SORCS1: variants seen among roughly 807,000 people sequenced by gnomAD.
SORCS1 encodes VPS10 domain-containing receptor SorCS1.
SORCS1 carries 60 observed loss-of-function variants against 146.1 expected under a neutral mutation model. The observed-to-expected ratio is 0.41, with a 90% CI of 0.33 to 0.51. The LOEUF is 0.51. Ranked by LOEUF, SORCS1 falls within the 20% of genes least tolerant of loss-of-function variation. The pLI is 0.21. For missense variants in SORCS1, 1,352 were observed against 1,487.6 expected (o/e 0.91, Z 1.50); for synonymous variants, 637 against 584.0 (o/e 1.09, Z -1.31).
Position 107,070,756 on chromosome 10 carries a change from A to T in SORCS1, c.558+93213T>A, listed in dbSNP as rs562515400. 2.0e-5 allele frequency among the ~76,000 whole-genome samples: 3 copies of T among 152,328 alleles called. No homozygotes were observed. In the East Asian group the frequency reaches 5.8e-4, roughly 29 times the overall value. The stretch of plus-strand genomic sequence containing the variant: ...TCAAAAAGCAAAAATTTCAAAACAA[A>T]AATTGTCATTATCACTTACTTAATG... On this transcript the variant is annotated intron_variant, in intron 1 of 25. Coordinates refer to ENST00000263054, the MANE Select transcript of SORCS1 (RefSeq NM_052918.5).
chr10:106,674,472 G>A (rs1381565820), intron 14 of SORCS1, among the ~76,000 whole-genome samples: 3 of 151,028 alleles, frequency 2.0e-5, no homozygotes, highest in Non-Finnish European at 1.5e-5. Flanking sequence ...TCCATGTCCA[G>A]TTTTCCAAAG....
At chr10:106,866,032 CA>C (rs60499735) in intron 2 of SORCS1, among the ~76,000 whole-genome samples, 3,904 of 95,062 alleles carry the variant, frequency 0.041, 132 homozygotes, top group African/African-American at 0.11. Flanking sequence ...GATTCCGTCT[CA>C]AAAAAAAAAA....
chr10:106,647,007 G>GTATATATATATATATATATATATATATA (rs57891596), intron 18 of SORCS1, among the ~76,000 whole-genome samples: 1 of 134,230 alleles, frequency 7.4e-6, no homozygotes, highest in African/African-American at 2.7e-5. Flanking sequence ...GTTTGTATGT[G>GTATATATATATATATATATATATATATA]TATATATATA....
intron 1 of SORCS1, among the ~76,000 whole-genome samples, chr10:107,044,394 A>G (rs1309313152): frequency 1.3e-5 from 2 of 151,828 alleles, no homozygotes; most frequent in Non-Finnish European, 2.9e-5. Context: ...ACAAAAGAAA[A>G]CTCACAAATA....
chr10:106,926,452 A>G (rs553187537), intron 2 of SORCS1, among the ~76,000 whole-genome samples: 1 of 152,176 alleles, frequency 6.6e-6, no homozygotes, highest in Non-Finnish European at 1.5e-5. Context: ...ATTAAAAAAA[A>G]GTAACTGCCT....
rs1204531654 is a variant in SORCS1 at position 106,667,797 on chromosome 10, T to C, written c.2195A>G (p.Tyr732Cys). 3.1e-6 allele frequency: 5 copies of C among 1,613,332 alleles called. No homozygotes were observed. The highest frequency in any genetic ancestry group is 4.2e-6 in the Non-Finnish European group (5 of 1,179,666). Residue 732 changes from tyrosine (Y) to cysteine (C), a missense_variant, in exon 17 of 26, where the codon TAT becomes TGT. Tyr to Cys is a radical substitution (Grantham distance 194, BLOSUM62 -2). Around this residue, in one of 3 missense-constraint regions of SORCS1, gnomAD observed 648 missense variants for 793.8 expected, o/e 0.82. Coordinates refer to ENST00000263054, the MANE Select transcript of SORCS1 (RefSeq NM_052918.5). ...GCCATTGCTGTGTCGCTCATAACCA[T>C]AGTCGCTGTTAGGAAAGAGCCGAGA... ...VCTEADFDCDYGYERHSNGQC... is the reference protein window; with the variant it reads ...VCTEADFDCDCGYERHSNGQC...
chr10:106,625,057 T>A (rs1418969126), intron 19 of SORCS1, among the ~76,000 whole-genome samples: 1 of 152,208 alleles, frequency 6.6e-6, no homozygotes, highest in Non-Finnish European at 1.5e-5. Flanking sequence ...TGGCGCTGCA[T>A]CATTCCATAT....
intron 3 of SORCS1, among the ~76,000 whole-genome samples, chr10:106,810,686 T>C (rs925642296): frequency 1.3e-5 from 2 of 152,230 alleles, no homozygotes; most frequent in East Asian, 1.9e-4. Context: ...CTAAGAATTA[T>C]GAATTCCAGT....
At chr10:106,825,429 G>A (rs942755912) in intron 3 of SORCS1, among the ~76,000 whole-genome samples, 2 of 151,770 alleles carry the variant, frequency 1.3e-5, no homozygotes, top group Admixed American at 1.3e-4. Flanking sequence ...CCGCCACCAC[G>A]CCTGGCTAAT....
intron 1 of SORCS1, among the ~76,000 whole-genome samples, chr10:107,124,678 C>T (rs1966601977): frequency 6.6e-6 from 1 of 152,060 alleles, no homozygotes; most frequent in African/African-American, 2.4e-5. Context: ...GTCTATGAGT[C>T]AGTGATCCAT....
intron 10 of SORCS1, among the ~76,000 whole-genome samples, chr10:106,680,138 G>T (rs1267136710): frequency 6.6e-6 from 1 of 152,166 alleles, no homozygotes; most frequent in Non-Finnish European, 1.5e-5. Context: ...TTTGAATCAT[G>T]AATGACTCCA....
chr10:106,600,190 T>C, intron 23 of SORCS1: 1 of 375,180 alleles, frequency 2.7e-6, no homozygotes, highest in Non-Finnish European at 3.7e-6. Flanking sequence ...ATATTTTTAA[T>C]TTATAATCTC....
chr10:106,929,426 G>GAGAT, intron 2 of SORCS1, among the ~76,000 whole-genome samples: 1 of 152,256 alleles, frequency 6.6e-6, no homozygotes, highest in South Asian at 2.1e-4. Context: ...AGGGAAAACT[G>GAGAT]AGATCTACAG....
intron 2 of SORCS1, among the ~76,000 whole-genome samples, chr10:106,881,285 C>A (rs10884369): frequency 6.6e-6 from 1 of 151,926 alleles, no homozygotes; most frequent in Non-Finnish European, 1.5e-5. Flanking sequence ...GTGTCTTCCT[C>A]TGCAAAATAG....
At chr10:106,861,163 C>A (rs554399024) in intron 2 of SORCS1, among the ~76,000 whole-genome samples, 20 of 152,094 alleles carry the variant, frequency 1.3e-4, no homozygotes, top group Admixed American at 1.2e-3. Flanking sequence ...TTTGGGAGGC[C>A]GAGGCAGGCA....
chr10:106,813,855 G>C (rs761301250), intron 3 of SORCS1, among the ~76,000 whole-genome samples: 9 of 152,164 alleles, frequency 5.9e-5, no homozygotes, highest in Non-Finnish European at 1.0e-4. Flanking sequence ...TTGGAGGCTG[G>C]GGTGGGAGGA....
chr10:106,851,452 G>T (rs528424200), intron 2 of SORCS1, among the ~76,000 whole-genome samples: 1 of 152,140 alleles, frequency 6.6e-6, no homozygotes, highest in Non-Finnish European at 1.5e-5. Flanking sequence ...AGCACCATTT[G>T]TTGAAAAGAC....
chr10:106,984,211 G>A (rs1207925830), intron 1 of SORCS1, among the ~76,000 whole-genome samples: 1 of 152,092 alleles, frequency 6.6e-6, no homozygotes, highest in Non-Finnish European at 1.5e-5. Flanking sequence ...CGGATTTTAG[G>A]AAGATAGCAT....
intron 2 of SORCS1, among the ~76,000 whole-genome samples, chr10:106,944,579 GACA>G (rs1811452024): frequency 6.6e-6 from 1 of 152,074 alleles, no homozygotes; most frequent in African/African-American, 2.4e-5. Flanking sequence ...ATTACTTAAG[GACA>G]ACAATATGAT....
Sources: allele counts gnomAD v4.1 joint callset (sites outside exome capture counted in the v4.1 genomes callset), GRCh38; gene constraint gnomAD v4.1.1; regional missense constraint gnomAD v4.1.1; transcripts MANE v1.5; gene names NCBI Gene and HGNC (gene_info 2026-07-23, HGNC 2026-07-21).